NCK1: variants seen among roughly 807,000 people sequenced by gnomAD.
The protein encoded by NCK1 is SH2/SH3 adapter protein NCK1.
NCK1 carries 19 observed loss-of-function variants against 36.6 expected under a neutral mutation model. The observed-to-expected ratio is 0.52, with a 90% CI of 0.36 to 0.76. The LOEUF is 0.76. Among genes scored for constraint, NCK1 ranks in the 30% least tolerant of loss-of-function variants. The pLI is 0.00. For missense variants in NCK1, 358 were observed against 445.6 expected (o/e 0.80, Z 1.77); for synonymous variants, 165 against 156.0 (o/e 1.06, Z -0.43).
intron 1 of NCK1, among the ~76,000 whole-genome samples, chr3:136,882,477 TTAA>T (rs997823967): frequency 1.3e-5 from 2 of 152,192 alleles, no homozygotes; most frequent in African/African-American, 4.8e-5. Flanking sequence ...GATTTCTGCA[TTAA>T]TGATACAACA....
At chr3:136,873,166 G>A (rs2108069846) in intron 1 of NCK1, among the ~76,000 whole-genome samples, 1 of 152,322 alleles carries the variant, frequency 6.6e-6, no homozygotes, top group Middle Eastern at 3.4e-3. Context: ...GCCTGTGAAA[G>A]CAGCCAGGAG....
rs972775897 is a variant in NCK1 at position 136,950,901 on chromosome 3, T to C, written c.*2448T>C. Among the ~76,000 whole-genome samples, 3 of 152,188 alleles carry C rather than the reference T, an allele frequency of 2.0e-5. No individual in the cohort carries two copies. The highest frequency in any genetic ancestry group is 6.5e-5 in the Admixed American group (1 of 15,276). On this transcript the variant is annotated 3_prime_UTR_variant, in exon 4 of 4. Coordinates refer to ENST00000481752, the MANE Select transcript of NCK1 (RefSeq NM_001291999.2). ...TTAGAAGGTTTTTTAGAACATGATA[T>C]AAGCTTTGTGACAAAAACAAATGCC... is the stretch of plus-strand genomic sequence containing the variant.
intron 1 of NCK1, among the ~76,000 whole-genome samples, chr3:136,913,243 T>A (rs1418384645): frequency 6.6e-6 from 1 of 152,168 alleles, no homozygotes; most frequent in East Asian, 1.9e-4. Flanking sequence ...AATCAGATTG[T>A]CTCCTTTCCT....
At chr3:136,883,782 G>T (rs1486970466) in intron 1 of NCK1, among the ~76,000 whole-genome samples, 1 of 152,164 alleles carries the variant, frequency 6.6e-6, no homozygotes, top group African/African-American at 2.4e-5. Context: ...GAAGGCTTGA[G>T]TTTTAGTGAT....
At chr3:136,929,805 C>T (rs1037143761) in intron 2 of NCK1, among the ~76,000 whole-genome samples, 2 of 152,092 alleles carry the variant, frequency 1.3e-5, no homozygotes, top group African/African-American at 4.8e-5. Context: ...AAACTATTAT[C>T]ATAGAGCAAA....
chr3:136,888,313 A>G (rs1325898700), intron 1 of NCK1, among the ~76,000 whole-genome samples: 1 of 152,018 alleles, frequency 6.6e-6, no homozygotes, highest in Non-Finnish European at 1.5e-5. Flanking sequence ...TTTTATTGAG[A>G]TATGATTCAC....
intron 1 of NCK1, among the ~76,000 whole-genome samples, chr3:136,884,061 A>G (rs1318959639): frequency 1.3e-5 from 2 of 152,200 alleles, no homozygotes; most frequent in Non-Finnish European, 2.9e-5. Context: ...ATTAGAGAAC[A>G]CAATTCAAAT....
In NCK1 at chr3:136,915,730, G is replaced by T. The variant is rs561011068; in HGVS notation, c.-18-12254G>T. Among the ~76,000 whole-genome samples the T allele has an allele frequency of 1.2e-3, 166 of 142,414 alleles. 1 individual carries two copies. The highest frequency in any genetic ancestry group is 4.0e-3 in the African/African-American group (156 of 39,028). 93.4% of individuals were successfully genotyped at this position (142,414 alleles called of 152,430 possible). A position where few individuals can be genotyped will look rare whatever the true frequency, so the allele number is the denominator to read the frequency against. On this transcript the variant is annotated intron_variant, in intron 1 of 3. Coordinates refer to ENST00000481752, the MANE Select transcript of NCK1 (RefSeq NM_001291999.2). The stretch of plus-strand genomic sequence containing the variant: ...GAAGGTGCCAAACACTTTTGCTTTT[G>T]TTTTTTTTTTTTTGAGATGGAGTCT...
chr3:136,942,172 G>C (rs1940696110), intron 2 of NCK1, among the ~76,000 whole-genome samples: 1 of 152,102 alleles, frequency 6.6e-6, no homozygotes, highest in African/African-American at 2.4e-5. Context: ...GTCTGGTAGT[G>C]ATGAATTCCT....
intron 1 of NCK1, among the ~76,000 whole-genome samples, chr3:136,907,569 T>A (rs886804531): frequency 1.3e-5 from 2 of 152,202 alleles, no homozygotes; most frequent in African/African-American, 4.8e-5. Context: ...TCTCCGCTGA[T>A]CCTGGTTGAG....
chr3:136,890,116 C>T (rs1030559342), intron 1 of NCK1, among the ~76,000 whole-genome samples: 6 of 152,180 alleles, frequency 3.9e-5, no homozygotes, highest in East Asian at 3.9e-4. Flanking sequence ...TCAGGCATGG[C>T]GGGCTGCAGG....
chr3:136,876,512 T>C (rs1938777221), intron 1 of NCK1, among the ~76,000 whole-genome samples: 1 of 152,160 alleles, frequency 6.6e-6, no homozygotes, highest in Admixed American at 6.5e-5. Context: ...TACTTTGTTT[T>C]CTAGCTTGGC....
chr3:136,947,247 G>A lies in NCK1; in HGVS notation c.939+952G>A, dbSNP rs112398153. 3.3e-3 allele frequency among the ~76,000 whole-genome samples: 500 copies of A among 152,180 alleles called. 2 individuals are homozygous for A. The highest frequency in any genetic ancestry group is 5.8e-3 in the Non-Finnish European group (395 of 67,968). ...GAGTGATGACATCCATTTTCTGTTA[G>A]TTGCCTGATCTGGCTCACTGTTTGA... On this transcript the variant is annotated intron_variant, in intron 3 of 3. Coordinates refer to ENST00000481752, the MANE Select transcript of NCK1 (RefSeq NM_001291999.2).
intron 1 of NCK1, among the ~76,000 whole-genome samples, chr3:136,879,477 A>G (rs961423789): frequency 2.6e-5 from 4 of 152,178 alleles, no homozygotes; most frequent in African/African-American, 9.7e-5. Context: ...ATCTAAAATA[A>G]AGAGTTGTTT....
intron 1 of NCK1, among the ~76,000 whole-genome samples, chr3:136,882,622 G>T (rs576976879): frequency 6.6e-6 from 1 of 150,980 alleles, no homozygotes; most frequent in African/African-American, 2.4e-5. Flanking sequence ...GCAGTCACTT[G>T]GAGCACAGGC....
At chr3:136,947,031 A>G (rs370506982) in intron 3 of NCK1, 3 of 152,290 alleles carry the variant, frequency 2.0e-5, no homozygotes, top group South Asian at 2.1e-4. Flanking sequence ...TTATTAAATC[A>G]TGGTTAATCT....
chr3:136,943,740 C>T (rs1488733664), intron 2 of NCK1, among the ~76,000 whole-genome samples: 1 of 152,116 alleles, frequency 6.6e-6, no homozygotes, highest in Non-Finnish European at 1.5e-5. Context: ...GAAGTTCACT[C>T]ATATTGAGGA....
intron 1 of NCK1, among the ~76,000 whole-genome samples, chr3:136,873,790 T>C (rs957879303): frequency 6.6e-6 from 1 of 152,138 alleles, no homozygotes; most frequent in Non-Finnish European, 1.5e-5. Flanking sequence ...AAACGGGAGT[T>C]TCCCTGCACA....
At chr3:136,890,323 C>G (rs1482482179) in intron 1 of NCK1, among the ~76,000 whole-genome samples, 1 of 152,192 alleles carries the variant, frequency 6.6e-6, no homozygotes. Context: ...CACGCCCACC[C>G]GGAACTCCAG....
Sources: allele counts gnomAD v4.1 joint callset (sites outside exome capture counted in the v4.1 genomes callset), GRCh38; gene constraint gnomAD v4.1.1; transcripts MANE v1.5; gene names NCBI Gene and HGNC (gene_info 2026-07-23, HGNC 2026-07-21).